The following PAPSS2 variants were observed in gnomAD, a reference collection of about 807,000 sequenced individuals.
PAPSS2 encodes the protein 3'-phosphoadenosine 5'-phosphosulfate synthase 2, also known as bifunctional 3'-phosphoadenosine 5'-phosphosulfate synthase 2.
PAPSS2 carries 61 observed loss-of-function variants against 66.5 expected under a neutral mutation model. That is an observed-to-expected ratio of 0.92 (90% CI 0.75 to 1.14). The LOEUF is 1.14. PAPSS2 is among the 50% of genes most tolerant of loss of function. The pLI, the probability that PAPSS2 is intolerant of heterozygous loss-of-function variation, is 0.00. For missense variants in PAPSS2, 708 were observed against 789.6 expected (o/e 0.90, Z 1.24); for synonymous variants, 289 against 287.5 (o/e 1.01, Z -0.05).
At chr10:87,722,121 A>T (rs925208056) in intron 8 of PAPSS2, among the ~76,000 whole-genome samples, 3 of 152,086 alleles carry the variant, frequency 2.0e-5, no homozygotes, top group Non-Finnish European at 4.4e-5. Flanking sequence ...AAAGCTGGAA[A>T]TTTTTTTTCC....
chr10:87,684,423 C>T (rs1342030153), intron 1 of PAPSS2, among the ~76,000 whole-genome samples: 5 of 152,244 alleles, frequency 3.3e-5, no homozygotes, highest in Non-Finnish European at 5.9e-5. Context: ...TTGTGTAAGT[C>T]TTCAGGGAGC....
intron 2 of PAPSS2, among the ~76,000 whole-genome samples, chr10:87,710,928 A>G (rs998585033): frequency 1.3e-5 from 2 of 152,120 alleles, no homozygotes; most frequent in African/African-American, 2.4e-5. Context: ...ACTTGAACAT[A>G]GGAGGCAGAA....
At chr10:87,661,195 C>T (rs545800795) in intron 1 of PAPSS2, 95 of 373,272 alleles carry the variant, frequency 2.5e-4, no homozygotes, top group Non-Finnish European at 4.5e-4. Context: ...GTGGAGGGGC[C>T]ATGCAGGGCT....
chr10:87,716,311 G>A (rs1853531729), intron 7 of PAPSS2, among the ~76,000 whole-genome samples: 1 of 152,164 alleles, frequency 6.6e-6, no homozygotes. Flanking sequence ...CAATGTTCAT[G>A]CCCACACATG....
chr10:87,696,586 T>A (rs923125793), intron 1 of PAPSS2, among the ~76,000 whole-genome samples: 5 of 152,254 alleles, frequency 3.3e-5, no homozygotes, highest in Admixed American at 2.6e-4. Flanking sequence ...ACCAGTGTCT[T>A]GTCCATTAAT....
Position 87,679,756 on chromosome 10 carries a change from T to C in PAPSS2, c.27+19748T>C, listed in dbSNP as rs187049283. Among the ~76,000 whole-genome samples, 486 of 152,264 alleles carry C rather than the reference T, an allele frequency of 3.2e-3. 1 individual carries two copies. The highest frequency in any genetic ancestry group is 5.7e-3 in the Non-Finnish European group (388 of 68,024). On this transcript the variant is annotated intron_variant, in intron 1 of 12. Transcript: ENST00000456849. ...TTAAAAATCAGCAGGTCTGACACAG[T>C]GGCTCATGTCTGTAATCCCGGCACT... is the stretch of plus-strand genomic sequence containing the variant.
chr10:87,696,796 T>C (rs529156790), intron 1 of PAPSS2, among the ~76,000 whole-genome samples: 2 of 152,258 alleles, frequency 1.3e-5, no homozygotes, highest in Non-Finnish European at 2.9e-5. Flanking sequence ...ATTTTGTTTG[T>C]TGCTAAATCT....
intron 9 of PAPSS2, among the ~76,000 whole-genome samples, chr10:87,738,985 C>A (rs891583448): frequency 6.6e-6 from 1 of 152,144 alleles, no homozygotes; most frequent in African/African-American, 2.4e-5. Context: ...TGCTTTTTCA[C>A]TGTTGTGTTC....
chr10:87,674,774 C>T (rs1481078144), intron 1 of PAPSS2, among the ~76,000 whole-genome samples: 2 of 152,112 alleles, frequency 1.3e-5, no homozygotes, highest in Non-Finnish European at 2.9e-5. Context: ...ATATTTATTA[C>T]CGTGCTATAA....
chr10:87,735,634 TACCGCAGGGTTTCTCAGCCTCAGC>T (rs1258523545), intron 9 of PAPSS2, among the ~76,000 whole-genome samples: 3 of 152,204 alleles, frequency 2.0e-5, no homozygotes, highest in African/African-American at 7.2e-5. Context: ...GCCTTCTGTC[TACCGCAGGGTTTCTCAGCCTCAGC>T]ACTGTTGACA....
chr10:87,684,542 T>C (rs1427884978), intron 1 of PAPSS2, among the ~76,000 whole-genome samples: 2 of 152,216 alleles, frequency 1.3e-5, no homozygotes, highest in East Asian at 3.8e-4. Flanking sequence ...GGTTTTTGTG[T>C]TTTAAATACG....
At chr10:87,740,023 CTA>C (rs1364319827) in intron 9 of PAPSS2, among the ~76,000 whole-genome samples, 2 of 152,164 alleles carry the variant, frequency 1.3e-5, no homozygotes, top group Non-Finnish European at 2.9e-5. Flanking sequence ...ATACTAGCCA[CTA>C]TTTTTTTTCA....
At chr10:87,717,639 T>C (rs1352360981) in intron 7 of PAPSS2, among the ~76,000 whole-genome samples, 3 of 152,186 alleles carry the variant, frequency 2.0e-5, no homozygotes, top group Non-Finnish European at 2.9e-5. Flanking sequence ...CATAGCTCAC[T>C]GAAGCCTTGA....
chr10:87,733,919 C>T (rs1853760756), intron 9 of PAPSS2, among the ~76,000 whole-genome samples: 2 of 151,918 alleles, frequency 1.3e-5, no homozygotes, highest in Non-Finnish European at 1.5e-5. Flanking sequence ...AACCTGGATG[C>T]CATTCTTGCT....
intron 10 of PAPSS2, 103 bp from the exon 11 acceptor site, chr10:87,743,270 A>G: frequency 8.0e-7 from 1 of 1,251,336 alleles, no homozygotes; most frequent in Admixed American, 1.8e-5. Context: ...CCAGTGGATA[A>G]TGAATGCACA....
intron 1 of PAPSS2, among the ~76,000 whole-genome samples, chr10:87,667,189 C>G (rs904931996): frequency 6.6e-6 from 1 of 152,180 alleles, no homozygotes; most frequent in Non-Finnish European, 1.5e-5. Flanking sequence ...TGTGGTGGCT[C>G]ATGCCTGTAA....
intron 1 of PAPSS2, among the ~76,000 whole-genome samples, chr10:87,700,857 A>C (rs1344005125): frequency 6.6e-6 from 1 of 151,914 alleles, no homozygotes; most frequent in African/African-American, 2.4e-5. Flanking sequence ...TATATTTGAG[A>C]TTGCTGGATG....
chr10:87,718,157 G>A (rs956788934), intron 7 of PAPSS2, among the ~76,000 whole-genome samples: 3 of 151,894 alleles, frequency 2.0e-5, no homozygotes, highest in Middle Eastern at 6.8e-3. Flanking sequence ...ATTCTCCTGA[G>A]TAGCTAGGAC....
chr10:87,740,623 C>A (rs1427251997), intron 9 of PAPSS2, among the ~76,000 whole-genome samples: 5 of 152,192 alleles, frequency 3.3e-5, no homozygotes, highest in African/African-American at 7.2e-5. Context: ...AAGAAACTGA[C>A]ACTTGTTGAG....
Sources: gnomAD v4.1 joint callset for allele counts (sites outside exome capture counted in the v4.1 genomes callset) on GRCh38, gnomAD v4.1.1 for gene constraint, MANE v1.5 for transcripts, NCBI Gene and HGNC (gene_info 2026-07-23, HGNC 2026-07-21) for gene names.